Variants in MARCHF1 observed in about 807,000 individuals in gnomAD.
MARCHF1 encodes the protein E3 ubiquitin-protein ligase MARCHF1.
A neutral mutation model predicts 54.2 loss-of-function variants in MARCHF1; 40 were observed. The ratio of observed to expected loss-of-function variants is 0.74; its 90% CI spans 0.57 to 0.96. The LOEUF is 0.96. MARCHF1 is among the 40% of genes least tolerant of loss of function. The probability of loss-of-function intolerance (pLI) is 0.00; values close to 1 mark genes in which losing one functional copy is unlikely to be tolerated. For missense variants in MARCHF1, 586 were observed against 656.5 expected (o/e 0.89, Z 1.17); for synonymous variants, 236 against 236.3 (o/e 1.00, Z 0.01).
At chr4:163,822,571 A>T (rs1268765482) in intron 4 of MARCHF1, among the ~76,000 whole-genome samples, 1 of 151,826 alleles carries the variant, frequency 6.6e-6, no homozygotes, top group Non-Finnish European at 1.5e-5. Context: ...TCTGTACTGC[A>T]CGTTAAACAA....
intron 8 of MARCHF1, among the ~76,000 whole-genome samples, chr4:163,545,998 A>G (rs1738892462): frequency 6.6e-6 from 1 of 150,934 alleles, no homozygotes; most frequent in South Asian, 2.1e-4. Context: ...TTTTTGAGAC[A>G]GGGTCTCACT....
chr4:164,376,412 G>C (rs1382839582), intron 1 of MARCHF1, among the ~76,000 whole-genome samples: 1 of 152,084 alleles, frequency 6.6e-6, no homozygotes, highest in Admixed American at 6.5e-5. Context: ...TCTAGAGAAG[G>C]AAAGTCATAA....
chr4:163,845,114 C>T (rs1288041859), intron 4 of MARCHF1, among the ~76,000 whole-genome samples: 1 of 152,104 alleles, frequency 6.6e-6, no homozygotes, highest in Non-Finnish European at 1.5e-5. Context: ...TTAGAGTAAA[C>T]ATCCAAAATC....
At chr4:163,535,217 A>G (rs1354869611) in intron 9 of MARCHF1, among the ~76,000 whole-genome samples, 1 of 152,114 alleles carries the variant, frequency 6.6e-6, no homozygotes, top group Non-Finnish European at 1.5e-5. Context: ...AGGGGGGTAT[A>G]TAAAAGAATC....
rs569193286 is a variant in MARCHF1 at position 163,932,160 on chromosome 4, C to T, written c.-39+56341G>A. 2.0e-5 allele frequency among the ~76,000 whole-genome samples: 3 copies of T among 151,768 alleles called. No homozygotes were observed. In the South Asian group the frequency reaches 6.2e-4, roughly 32 times the overall value. On this transcript the variant is annotated intron_variant, in intron 3 of 9. Coordinates refer to ENST00000514618, the MANE Select transcript of MARCHF1 (RefSeq NM_001394959.1). ...ATGATTGCCTTATCTTTCAATGAGT[C>T]ATGATCTTTTTGCTGGTAAGGGCTC...
chr4:164,060,514 G>A (rs1433652954), intron 2 of MARCHF1, among the ~76,000 whole-genome samples: 14 of 152,126 alleles, frequency 9.2e-5, no homozygotes, highest in Admixed American at 7.2e-4. Context: ...GTAGTGAAAC[G>A]TGATGAAGTG....
intron 4 of MARCHF1, among the ~76,000 whole-genome samples, chr4:163,802,239 C>T (rs1748102300): frequency 6.6e-6 from 1 of 152,102 alleles, no homozygotes; most frequent in African/African-American, 2.4e-5. Context: ...TATCCGGTAT[C>T]AAAGCTATGA....
rs186004658 is a variant in MARCHF1, at chr4:163,736,271, A to G, written c.112-35408T>C. ...AAATAGGGGTTACTTGAACACAAGCACTGCATACTATATCAGTTAATCTGA... is the reference window on the plus strand; with the variant it reads ...AAATAGGGGTTACTTGAACACAAGCGCTGCATACTATATCAGTTAATCTGA... On this transcript the variant is annotated intron_variant, in intron 4 of 9. Transcript: ENST00000514618. Among the ~76,000 whole-genome samples, 8 of 152,238 alleles carry G rather than the reference A, an allele frequency of 5.3e-5. No individual in the cohort carries two copies. In the East Asian group the frequency reaches 1.5e-3, roughly 29 times the overall value.
chr4:163,566,236 C>G (rs1317848025), intron 8 of MARCHF1, among the ~76,000 whole-genome samples: 1 of 152,228 alleles, frequency 6.6e-6, no homozygotes, highest in African/African-American at 2.4e-5. Context: ...CTGTCGCATG[C>G]TGCGACCCAT....
chr4:163,907,594 T>C (rs1252072980), intron 3 of MARCHF1, among the ~76,000 whole-genome samples: 4 of 152,104 alleles, frequency 2.6e-5, no homozygotes, highest in Non-Finnish European at 4.4e-5. Context: ...CTACAATAAC[T>C]TCTCAGTTGA....
At chr4:164,095,697 A>G (rs1755396169) in intron 2 of MARCHF1, among the ~76,000 whole-genome samples, 1 of 152,154 alleles carries the variant, frequency 6.6e-6, no homozygotes, top group Non-Finnish European at 1.5e-5. Context: ...TCTAAAAGTA[A>G]AAAGAAAAAC....
intron 1 of MARCHF1, among the ~76,000 whole-genome samples, chr4:164,230,972 T>C (rs1487384215): frequency 6.6e-6 from 1 of 152,120 alleles, no homozygotes; most frequent in Non-Finnish European, 1.5e-5. Context: ...CTGGGAACAA[T>C]AGATATGTAA....
chr4:163,568,757 C>G (rs1251299970), intron 8 of MARCHF1, among the ~76,000 whole-genome samples: 1 of 152,044 alleles, frequency 6.6e-6, no homozygotes, highest in Non-Finnish European at 1.5e-5. Context: ...TTAAGGCATA[C>G]AGTTGCACAA....
intron 1 of MARCHF1, chr4:164,188,723 C>T (rs1156675106): frequency 1.5e-5 from 16 of 1,038,920 alleles, no homozygotes; most frequent in South Asian, 3.8e-5. Context: ...CAAGTTCTTG[C>T]GGTTCAAGGT....
At chr4:164,234,091 A>C (rs1732484370) in intron 1 of MARCHF1, among the ~76,000 whole-genome samples, 1 of 152,160 alleles carries the variant, frequency 6.6e-6, no homozygotes, top group Non-Finnish European at 1.5e-5. Context: ...TGACATTTTG[A>C]ATTAAGATGA....
chr4:163,803,702 A>G (rs1055064910), intron 4 of MARCHF1, among the ~76,000 whole-genome samples: 4 of 152,108 alleles, frequency 2.6e-5, no homozygotes, highest in Admixed American at 6.6e-5. Context: ...CACTGTAATG[A>G]TCTTTTGCAT....
chr4:163,570,748 G>C (rs1199856189), intron 8 of MARCHF1, among the ~76,000 whole-genome samples: 1 of 152,000 alleles, frequency 6.6e-6, no homozygotes, highest in Non-Finnish European at 1.5e-5. Context: ...TTAAATCTGC[G>C]ATTTTCACTT....
In MARCHF1 at chr4:163,965,474, T is replaced by A. The variant is rs75546343; in HGVS notation, c.-39+23027A>T. Among the ~76,000 whole-genome samples, 1,187 of 152,136 alleles carry A rather than the reference T, an allele frequency of 7.8e-3. 14 individuals are homozygous for A. The highest frequency in any genetic ancestry group is 0.039 in the East Asian group (203 of 5,166). ...ACAGAGAATAAGTGTACCAATGGATTTCAACTTGGGCAGTTCAGAGTCTGG... is the reference window on the plus strand; with the variant it reads ...ACAGAGAATAAGTGTACCAATGGATATCAACTTGGGCAGTTCAGAGTCTGG... On this transcript the variant is annotated intron_variant, in intron 3 of 9. Coordinates refer to ENST00000514618, the MANE Select transcript of MARCHF1 (RefSeq NM_001394959.1).
chr4:163,859,028 G>A (rs1338519393), intron 3 of MARCHF1, among the ~76,000 whole-genome samples: 3 of 152,166 alleles, frequency 2.0e-5, no homozygotes, highest in African/African-American at 7.2e-5. Flanking sequence ...GGATGTGGAA[G>A]AGCAACTGAA....
Sources: allele counts gnomAD v4.1 joint callset (sites outside exome capture counted in the v4.1 genomes callset), GRCh38; gene constraint gnomAD v4.1.1; transcripts MANE v1.5; gene names NCBI Gene and HGNC (gene_info 2026-07-23, HGNC 2026-07-21).